Variants in RYR2 observed in about 807,000 individuals in gnomAD.
The protein encoded by RYR2 is cardiac muscle ryanodine receptor-calcium release channel.
Under a neutral mutation model 601.1 loss-of-function variants are expected in RYR2, and 227 were observed. The observed-to-expected ratio is 0.38, with a 90% CI of 0.34 to 0.42. The LOEUF (loss-of-function observed/expected upper bound fraction) is 0.42. Among genes scored for constraint, RYR2 ranks in the 10% least tolerant of loss-of-function variants. RYR2 has a pLI of 1.00. For synonymous variants in RYR2, 2,223 were observed against 2,175.1 expected, an observed-to-expected ratio of 1.02 and a Z score of -0.61; for missense variants, 4,646 against 6,156.5, an observed-to-expected ratio of 0.75 and a Z score of 8.21.
intron 42 of RYR2, 25 bp downstream of exon 42, chr1:237,631,566 C>A: frequency 1.0e-5 from 13 of 1,248,448 alleles, no homozygotes; most frequent in African/African-American, 1.6e-5. Context: ...TCCTGAGATG[C>A]TATTTAGTAT....
chr1:237,626,774 A>G (rs1178310739), intron 40 of RYR2, among the ~76,000 whole-genome samples: 4 of 151,304 alleles, frequency 2.6e-5, no homozygotes, highest in African/African-American at 4.9e-5. Flanking sequence ...GAGTTTTACC[A>G]TGATGGCCAG....
intron 95 of RYR2, among the ~76,000 whole-genome samples, chr1:237,794,742 T>C (rs898110896): frequency 3.3e-5 from 5 of 152,230 alleles, no homozygotes; most frequent in African/African-American, 1.2e-4. Flanking sequence ...TTATACATGA[T>C]ACATGTTTAT....
intron 48 of RYR2, among the ~76,000 whole-genome samples, chr1:237,646,755 G>A (rs576006838): frequency 6.6e-5 from 10 of 152,174 alleles, no homozygotes; most frequent in African/African-American, 2.2e-4. Flanking sequence ...TGATTTGGCC[G>A]CCCTGTCTGA....
At chr1:237,484,574 G>T (rs1662473838) in intron 17 of RYR2, among the ~76,000 whole-genome samples, 1 of 152,156 alleles carries the variant, frequency 6.6e-6, no homozygotes. Flanking sequence ...GATTCTTCTT[G>T]GTAGGTAAAG....
intron 29 of RYR2, among the ~76,000 whole-genome samples, chr1:237,582,814 G>T (rs912766360): frequency 6.6e-6 from 1 of 152,018 alleles, no homozygotes; most frequent in Non-Finnish European, 1.5e-5. Flanking sequence ...CCAGTTCACT[G>T]TTGATGGGCA....
intron 1 of RYR2, among the ~76,000 whole-genome samples, chr1:237,117,859 C>G (rs1054619056): frequency 5.3e-5 from 8 of 152,128 alleles, no homozygotes; most frequent in Admixed American, 4.6e-4. Flanking sequence ...GATTCTCCTG[C>G]CTCAGCCTCC....
At chr1:237,774,052 TATAGATA>T (rs1694466190) in intron 87 of RYR2, among the ~76,000 whole-genome samples, 1 of 152,236 alleles carries the variant, frequency 6.6e-6, no homozygotes. Context: ...ATATGTATAT[TATAGATA>T]AAATTCCAAA....
At position 237,717,287 on chromosome 1, in the gene RYR2, G is replaced by A. The variant is rs1240803874; in HGVS notation, c.10413G>A (p.Lys3471=). The change falls in exon 72 of 105, where the codon AAG becomes AAA. Residue 3471 remains lysine, a synonymous_variant. Coordinates refer to ENST00000366574, the MANE Select transcript of RYR2 (RefSeq NM_001035.3). ...CCTCTCTGATTGTAGCAGCTCTGAA[G>A]CGGTTACTGCCCATTGGGTTGAACA... ...MQTSLIVAAL[K]RLLPIGLNIC... The A allele has an allele frequency of 1.9e-6, 3 of 1,613,456 alleles. No homozygotes were observed. The highest frequency in any genetic ancestry group is 2.5e-6 in the Non-Finnish European group (3 of 1,179,622).
At chr1:237,799,524 T>C (rs917250862) in intron 97 of RYR2, among the ~76,000 whole-genome samples, 5 of 151,536 alleles carry the variant, frequency 3.3e-5, no homozygotes, top group South Asian at 2.1e-4. Flanking sequence ...GTAAGTAAGT[T>C]TGACCCCTAG....
At chr1:237,622,705 A>G (rs1287232379) in intron 38 of RYR2, among the ~76,000 whole-genome samples, 1 of 152,322 alleles carries the variant, frequency 6.6e-6, no homozygotes, top group African/African-American at 2.4e-5. Flanking sequence ...CACTTAAATG[A>G]AGTGATATGT....
At position 237,614,389 on chromosome 1, in the gene RYR2, G is replaced by C. The variant is rs397516542; in HGVS notation, c.5261G>C (p.Ser1754Thr). Residue 1754 changes from serine (S) to threonine (T), a missense_variant, in exon 37 of 105, where the codon AGC becomes ACC. By Grantham distance (58) the Ser-to-Thr change is moderately conservative. Around this residue, in one of 17 missense-constraint regions of RYR2, gnomAD observed 1,807 missense variants for 2,088.1 expected, o/e 0.87. Transcript: ENST00000366574. This position sits in a 1 kb window ranked among gnomAD's most constrained non-coding sequence, Gnocchi z 4.3. ...CACGGCCTTCCAGGGATCGGCCTCA[G>C]CACCTCCCTCAGGCCACGGATGCAG... is the stretch of plus-strand genomic sequence containing the variant. ...KKHGLPGIGL[S>T]TSLRPRMQFS... is the part of the protein sequence containing the mutation. 4.3e-6 allele frequency: 7 copies of C among 1,614,010 alleles called. No homozygotes were observed. The Admixed American group carries it at 5.0e-5, about 12-fold the overall frequency.
intron 80 of RYR2, among the ~76,000 whole-genome samples, chr1:237,748,564 C>T (rs1692276230): frequency 6.6e-6 from 1 of 152,112 alleles, no homozygotes; most frequent in Non-Finnish European, 1.5e-5. Flanking sequence ...TGTGTGGGGG[C>T]AGTCATTTCT....
intron 63 of RYR2, 49 bp downstream of exon 63, chr1:237,687,553 T>G (rs1375540265): frequency 2.2e-6 from 3 of 1,361,854 alleles, no homozygotes; most frequent in Non-Finnish European, 3.1e-6. Context: ...CTTGGTTTTC[T>G]TTGCCATTTT....
At chr1:237,271,785 C>T (rs1259649994) in intron 2 of RYR2, among the ~76,000 whole-genome samples, 1 of 152,096 alleles carries the variant, frequency 6.6e-6, no homozygotes, top group East Asian at 1.9e-4. Context: ...TTTCTATTGT[C>T]TCTGAAAGTC....
intron 16 of RYR2, among the ~76,000 whole-genome samples, chr1:237,465,678 G>A (rs73108485): frequency 0.026 from 3,956 of 151,274 alleles, 72 homozygotes; most frequent in East Asian, 0.093. Flanking sequence ...GGCCTACTGC[G>A]CGGCTACGCT....
At chr1:237,809,056 C>T in intron 100 of RYR2, 21 bp downstream of exon 100, 1 of 1,603,058 alleles carries the variant, frequency 6.2e-7, no homozygotes, top group South Asian at 1.1e-5. Flanking sequence ...AACCTTTGAT[C>T]TCACATAAAC....
chr1:237,759,720 T>G, intron 82 of RYR2, 56 bp from the exon 83 acceptor site: 1 of 1,062,088 alleles, frequency 9.4e-7, no homozygotes, highest in African/African-American at 1.6e-5. Flanking sequence ...GTTTATTTAT[T>G]TAACAAACAA....
intron 1 of RYR2, among the ~76,000 whole-genome samples, chr1:237,140,073 C>T (rs1444882288): frequency 6.6e-6 from 1 of 152,248 alleles, no homozygotes; most frequent in East Asian, 1.9e-4. Context: ...TTGATAAGTT[C>T]GAAATCTAAA....
At chr1:237,171,881 C>G (rs1476441167) in intron 1 of RYR2, among the ~76,000 whole-genome samples, 1 of 152,188 alleles carries the variant, frequency 6.6e-6, no homozygotes, top group Non-Finnish European at 1.5e-5. Flanking sequence ...GGAATATCTG[C>G]TTTTACCCAC....
Sources: allele counts gnomAD v4.1 joint callset (sites outside exome capture counted in the v4.1 genomes callset), GRCh38; gene constraint gnomAD v4.1.1; regional missense constraint gnomAD v4.1.1; non-coding constraint Gnocchi (gnomAD v3.1); transcripts MANE v1.5; gene names NCBI Gene and HGNC (gene_info 2026-07-23, HGNC 2026-07-21).